The following ZFHX3 variants were observed in gnomAD, a reference collection of about 807,000 sequenced individuals.
ZFHX3 encodes the protein zinc finger homeobox protein 3.
A neutral mutation model predicts 279.1 loss-of-function variants in ZFHX3; 42 were observed. The observed-to-expected ratio is 0.15, with a 90% CI of 0.12 to 0.19. The LOEUF is 0.19. ZFHX3 is among the 10% of genes least tolerant of loss of function. The pLI is 1.00. For synonymous variants in ZFHX3, 2,293 were observed against 1,957.8 expected (o/e 1.17, Z -4.52); for missense variants, 4,981 against 4,754.0 (o/e 1.05, Z -1.40).
chr16:73,564,433 C>T (rs533427176), intron 2 of ZFHX3, among the ~76,000 whole-genome samples: 2 of 152,198 alleles, frequency 1.3e-5, no homozygotes, highest in African/African-American at 2.4e-5. Flanking sequence ...TCAAGATGGG[C>T]CTTGCTTTCT....
rs181078790 is a variant in ZFHX3, at chr16:73,350,103, C to T, written c.-1290-31767G>A. On this transcript the variant is annotated intron_variant, in intron 3 of 17. Transcript: ENST00000641206. ...GAAATCTGCCTTCTTTTAAGCAAAA[C>T]AGTTTGAGGGAGGATGCTGAGTCTT... Among the ~76,000 whole-genome samples the T allele has an allele frequency of 4.0e-5, 6 of 149,802 alleles. No homozygotes were observed. In the East Asian group the frequency reaches 1.2e-3, roughly 30 times the overall value.
At chr16:73,196,158 T>TC (rs1342907763) in intron 5 of ZFHX3, among the ~76,000 whole-genome samples, 1 of 151,510 alleles carries the variant, frequency 6.6e-6, no homozygotes, top group African/African-American at 2.4e-5. Context: ...TAGTTTTTTT[T>TC]TTTTTTTGGA....
At chr16:73,651,567 G>A (rs1227440330) in intron 2 of ZFHX3, among the ~76,000 whole-genome samples, 6 of 151,620 alleles carry the variant, frequency 4.0e-5, no homozygotes, top group South Asian at 2.1e-4. Context: ...GCCGGGCACG[G>A]TGGCTCACGC....
At chr16:73,126,069 C>T (rs1225338675) in intron 7 of ZFHX3, among the ~76,000 whole-genome samples, 1 of 152,032 alleles carries the variant, frequency 6.6e-6, no homozygotes, top group African/African-American at 2.4e-5. Context: ...AGTGAGTCAT[C>T]CACAGGGACT....
intron 1 of ZFHX3, among the ~76,000 whole-genome samples, chr16:73,837,039 G>A (rs946307401): frequency 4.6e-5 from 7 of 152,176 alleles, no homozygotes; most frequent in Admixed American, 2.6e-4. Context: ...CCAGAATCAT[G>A]AGCCAAATAA....
chr16:73,390,935 T>C (rs78340050), intron 3 of ZFHX3, among the ~76,000 whole-genome samples: 46 of 152,132 alleles, frequency 3.0e-4, no homozygotes, highest in African/African-American at 9.4e-4. Flanking sequence ...CCATCATTAT[T>C]TCTGACATTA....
intron 2 of ZFHX3, among the ~76,000 whole-genome samples, chr16:73,620,087 T>C (rs1237692098): frequency 1.3e-5 from 2 of 152,132 alleles, no homozygotes; most frequent in African/African-American, 4.8e-5. Flanking sequence ...CCATGCAGGC[T>C]CTTAGCAGGC....
intron 1 of ZFHX3, among the ~76,000 whole-genome samples, chr16:73,790,506 T>C (rs1959792136): frequency 6.6e-6 from 1 of 152,238 alleles, no homozygotes; most frequent in African/African-American, 2.4e-5. Context: ...ACTTTAAACA[T>C]TATTTTCTGC....
chr16:73,375,874 A>T (rs936742351), intron 3 of ZFHX3, among the ~76,000 whole-genome samples: 1 of 152,240 alleles, frequency 6.6e-6, no homozygotes, highest in Non-Finnish European at 1.5e-5. Flanking sequence ...ATGCTTTAAA[A>T]TAATTTAGAT....
At chr16:73,241,790 C>CAAA (rs60214410) in intron 5 of ZFHX3, among the ~76,000 whole-genome samples, 1,007 of 51,126 alleles carry the variant, frequency 0.02, 30 homozygotes, top group East Asian at 0.033. Context: ...AACTCCGTCT[C>CAAA]AAAAAAAAAA....
At chr16:72,870,717 CA>C (rs71156125) in intron 4 of ZFHX3, among the ~76,000 whole-genome samples, 32 of 101,524 alleles carry the variant, frequency 3.2e-4, no homozygotes, top group East Asian at 5.5e-4. Flanking sequence ...GACTCTGTCT[CA>C]AAAAAAAAAA....
intron 2 of ZFHX3, among the ~76,000 whole-genome samples, chr16:73,588,707 C>CA (rs35010044): frequency 0.047 from 6,329 of 134,120 alleles, 446 homozygotes; most frequent in African/African-American, 0.16. Flanking sequence ...AAAAACAAAA[C>CA]AAAAAAAAAA....
At chr16:73,286,863 T>C (rs555090072) in intron 4 of ZFHX3, among the ~76,000 whole-genome samples, 1 of 133,588 alleles carries the variant, frequency 7.5e-6, no homozygotes, top group South Asian at 2.5e-4. Flanking sequence ...GGTGTGTGGT[T>C]GTGTGGGTGT....
At chr16:73,615,529 C>T (rs1400099204) in intron 2 of ZFHX3, among the ~76,000 whole-genome samples, 1 of 152,180 alleles carries the variant, frequency 6.6e-6, no homozygotes, top group African/African-American at 2.4e-5. Context: ...ACTTGGGATC[C>T]AGTGCAGCTG....
chr16:73,266,355 T>C (rs2013975375), intron 4 of ZFHX3, among the ~76,000 whole-genome samples: 1 of 152,244 alleles, frequency 6.6e-6, no homozygotes. Context: ...TAGTATAGTT[T>C]ATATTATTTC....
chr16:73,207,306 G>A (rs1396433769), intron 5 of ZFHX3, among the ~76,000 whole-genome samples: 1 of 152,114 alleles, frequency 6.6e-6, no homozygotes, highest in Non-Finnish European at 1.5e-5. Flanking sequence ...TTCTGTTACT[G>A]CTCTTTTATG....
chr16:73,406,500 A>T (rs916864735), intron 3 of ZFHX3, among the ~76,000 whole-genome samples: 1 of 152,232 alleles, frequency 6.6e-6, no homozygotes, highest in South Asian at 2.1e-4. Flanking sequence ...TCCTAAAGAC[A>T]TACCCATTTT....
chr16:72,959,462 C>G lies in ZFHX3; in HGVS notation c.684G>C (p.Leu228=). The G allele has an allele frequency of 6.2e-7, 1 of 1,614,250 alleles. No individual in the cohort carries two copies. Among genetic ancestry groups the G allele is most frequent in the Non-Finnish European group, 8.5e-7 (1 of 1,180,048 alleles). Reference sequence around the variant, plus strand: ...GCACGTCAAACACGCGGAAGCTGTGCAGGACGGGGCTGAGCCCCGCCAGGG... The same window carrying G: ...GCACGTCAAACACGCGGAAGCTGTGGAGGACGGGGCTGAGCCCCGCCAGGG... ...TSALAGLSPV[L]HSFRVFDVRH... The change falls in exon 2 of 10, where the codon CTG becomes CTC. Residue 228 remains leucine, a synonymous_variant. Coordinates refer to ENST00000268489, the MANE Select transcript of ZFHX3 (RefSeq NM_006885.4).
chr16:73,337,658 A>T, intron 3 of ZFHX3, among the ~76,000 whole-genome samples: 1 of 151,612 alleles, frequency 6.6e-6, no homozygotes, highest in Non-Finnish European at 1.5e-5. Flanking sequence ...TCCATAGACA[A>T]TCCATCAAAT....
Sources: gnomAD v4.1 joint callset for allele counts (sites outside exome capture counted in the v4.1 genomes callset) on GRCh38, gnomAD v4.1.1 for gene constraint, MANE v1.5 for transcripts, NCBI Gene and HGNC (gene_info 2026-07-23, HGNC 2026-07-21) for gene names.